Variants in NELFA observed in about 807,000 individuals in gnomAD.
NELFA encodes negative elongation factor complex member A, also known as negative elongation factor A.
In NELFA, 35 loss-of-function variants were observed where a neutral mutation model predicts 51.8. The observed-to-expected ratio is 0.68, with a 90% confidence interval of 0.52 to 0.90. The LOEUF (loss-of-function observed/expected upper bound fraction) is 0.90, where lower values mean the gene tolerates loss of function less well. Among genes scored for constraint, NELFA ranks in the 40% least tolerant of loss-of-function variants. The pLI is 0.00. For missense variants in NELFA, 658 were observed against 746.4 expected, an observed-to-expected ratio of 0.88 and a Z score of 1.38; for synonymous variants, 417 against 338.4, an observed-to-expected ratio of 1.23 and a Z score of -2.55.
rs373489474 is a variant in NELFA at position 1,991,735 on chromosome 4, C to T, written c.211-20G>A. 155 of 1,569,790 alleles carry T rather than the reference C, an allele frequency of 9.9e-5. No homozygotes were observed. Among genetic ancestry groups the T allele is most frequent in the Admixed American group, 2.6e-4 (14 of 54,016 alleles). Reference sequence around the variant, plus strand: ...CTTCATCTGCAAAATAGGATGCTGCCGGCGCCACCATGCCCCTGCCCACTT... The same window carrying T: ...CTTCATCTGCAAAATAGGATGCTGCTGGCGCCACCATGCCCCTGCCCACTT... On this transcript the variant is annotated intron_variant, in intron 1 of 10. Transcript: ENST00000382882.
chr4:1,985,723 C>G (rs961881281), intron 7 of NELFA, 53 bp downstream of exon 7: 8 of 1,483,432 alleles, frequency 5.4e-6, no homozygotes, highest in Non-Finnish European at 6.6e-6. Context: ...ACAATCGGAA[C>G]AAAAGGGGCA....
At position 1,984,797 on chromosome 4, in the gene NELFA, A is replaced by G. The variant is rs777475486; in HGVS notation, c.1036+11T>C. The G allele has an allele frequency of 6.5e-6, 10 of 1,550,072 alleles. No individual in the cohort carries two copies. The South Asian group carries it at 9.5e-5, about 15-fold the overall frequency. On this transcript the variant is annotated intron_variant, in intron 8 of 10. Coordinates refer to ENST00000382882, the MANE Select transcript of NELFA (RefSeq NM_005663.5). ...GCTTGGCTGGTTCCAGGCTGGGGCC[A>G]GCAGACTCACCTGGGGGCGTCTCGG...
chr4:1,995,311 G>T (rs1004086904), intron 1 of NELFA, among the ~76,000 whole-genome samples: 3 of 152,154 alleles, frequency 2.0e-5, no homozygotes, highest in South Asian at 2.1e-4. Context: ...TCTTGGTTCT[G>T]TTTCTCTGGA....
chr4:1,983,905 C>T lies in NELFA; in HGVS notation c.1245G>A (p.Val415=), dbSNP rs146344023. ...PTTQTPPVAM[V]APQTQAPAQQ... ...GAGCAGGGGCCTGGGTCTGCGGGGC[C>T]ACCATGGCAACCGGGGGTGTCTGAG... Residue 415 remains valine (V), a synonymous_variant, in exon 9 of 11, where the codon GTG becomes GTA. Transcript: ENST00000382882. The T allele has an allele frequency of 2.1e-5, 33 of 1,603,822 alleles. No homozygotes were observed. The highest frequency in any genetic ancestry group is 3.4e-5 in the Admixed American group (2 of 58,736).
chr4:1,987,780 G>T, intron 4 of NELFA, 138 bp downstream of exon 4: 2 of 725,364 alleles, frequency 2.8e-6, no homozygotes, highest in Non-Finnish European at 4.3e-6. Context: ...CAGTGCCTTC[G>T]CTTTCCCACG....
chr4:1,997,288 C>T (rs1338106182), intron 1 of NELFA, among the ~76,000 whole-genome samples: 2 of 152,136 alleles, frequency 1.3e-5, no homozygotes, highest in East Asian at 1.9e-4. Context: ...AGATACATTA[C>T]AAATCCTTTT....
In NELFA at chr4:1,989,269, T is replaced by C. The variant is rs987993868; in HGVS notation, c.544+439A>G. On this transcript the variant is annotated intron_variant, in intron 3 of 10. Transcript: ENST00000382882. The surrounding 1 kb of genome is among the most constrained non-coding windows in gnomAD (Gnocchi z 4.8). ...CCTAAATTCTGAAGTTTTTAAAGCA[T>C]GTTTTCAGAACATAAAGTTTAATAT... is the stretch of plus-strand genomic sequence containing the variant. Among the ~76,000 whole-genome samples the C allele has an allele frequency of 1.3e-5, 2 of 151,490 alleles. No homozygotes were observed. The highest frequency in any genetic ancestry group is 1.5e-5 in the Non-Finnish European group (1 of 67,890).
At chr4:1,986,093 C>G in intron 6 of NELFA, 21 bp downstream of exon 6, 2 of 1,548,986 alleles carry the variant, frequency 1.3e-6, no homozygotes, top group Non-Finnish European at 1.7e-6. Context: ...TTGCCGCCGA[C>G]ACGCAGGCCC....
At position 1,999,149 on chromosome 4, in the gene NELFA, G is replaced by A. The variant is rs561598663; in HGVS notation, c.211-7434C>T. Among the ~76,000 whole-genome samples the A allele has an allele frequency of 2.0e-5, 3 of 151,676 alleles. No individual in the cohort carries two copies. The South Asian group carries it at 6.2e-4, about 32-fold the overall frequency. ...CGCCCCGGAAGAACTCTGGAAAGAA[G>A]CACTAAATATGGAAAGAAAAACCAG... On this transcript the variant is annotated intron_variant, in intron 1 of 10. Coordinates refer to ENST00000382882, the MANE Select transcript of NELFA (RefSeq NM_005663.5).
Position 1,986,178 on chromosome 4 carries a change from C to A in NELFA, c.771G>T (p.Leu257=). 1 of 1,558,490 alleles carries A rather than the reference C, an allele frequency of 6.4e-7. No individual in the cohort carries two copies. The highest frequency in any genetic ancestry group is 2.4e-5 in the East Asian group (1 of 41,498). ...LLRKERGVKL[L]DISELDMVGA... ...CAACCATATCCAGCTCAGAGATGTC[C>A]AGCAGCTGCCAAGACAAGCACAGCC... The change falls in exon 6 of 11, where the codon CTG becomes CTT. Residue 257 remains leucine (L), a synonymous_variant. Coordinates refer to ENST00000382882, the MANE Select transcript of NELFA (RefSeq NM_005663.5).
chr4:1,983,082 C>T lies in NELFA; in HGVS notation c.*237G>A, dbSNP rs528818341. The T allele has an allele frequency of 2.9e-5, 12 of 420,772 alleles. No individual in the cohort carries two copies. The highest frequency in any genetic ancestry group is 4.1e-5 in the Admixed American group (1 of 24,206). The allele number at this position is 420,772 out of a possible 1,614,324, so 26.1% of individuals were successfully genotyped here. A position where few individuals can be genotyped will look rare whatever the true frequency, so the allele number is the denominator to read the frequency against. On this transcript the variant is annotated 3_prime_UTR_variant, in exon 11 of 11. Transcript: ENST00000382882. ...TTACTTACTACATTCAAAAATGTAA[C>T]GTTGAGTCCAAAAAGTGTCTTAAAT...
chr4:1,991,844 G>C (rs929192015), intron 1 of NELFA, 129 bp from the exon 2 acceptor site: 17 of 934,062 alleles, frequency 1.8e-5, no homozygotes, highest in Non-Finnish European at 2.0e-5. Context: ...ACTTCCTCCT[G>C]AGGGCTCCCC....
chr4:2,004,232 C>T (rs1279478410), intron 1 of NELFA: 5 of 151,894 alleles, frequency 3.3e-5, no homozygotes, highest in African/African-American at 1.2e-4. Flanking sequence ...GCACAAAAGA[C>T]CAGATGTATG....
chr4:1,999,327 C>T (rs1287469593), intron 1 of NELFA, among the ~76,000 whole-genome samples: 1 of 151,306 alleles, frequency 6.6e-6, no homozygotes, highest in Non-Finnish European at 1.5e-5. Flanking sequence ...GGCTGAATGC[C>T]CCAATTAAAA....
Position 1,983,178 on chromosome 4 carries a change from C to T in NELFA, c.*141G>A. 1 of 760,008 alleles carries T rather than the reference C, an allele frequency of 1.3e-6. No homozygotes were observed. The highest frequency in any genetic ancestry group is 2.1e-6 in the Non-Finnish European group (1 of 486,908). 47.1% of individuals were successfully genotyped at this position (760,008 alleles called of 1,614,324 possible). On this transcript the variant is annotated 3_prime_UTR_variant, in exon 11 of 11. Coordinates refer to ENST00000382882, the MANE Select transcript of NELFA (RefSeq NM_005663.5). ...ATACCCCAGAGAAATGCATCCAGAA[C>T]TTAAAACAGGCTGGGTCAGCAGCAG...
At chr4:1,984,684 G>T in intron 8 of NELFA, 124 bp downstream of exon 8, 1 of 679,226 alleles carries the variant, frequency 1.5e-6, no homozygotes, top group Non-Finnish European at 2.5e-6. Context: ...GCAGATTCTG[G>T]CTGAGGCAGA....
At chr4:2,008,003 A>T (rs1728755829) in intron 1 of NELFA, 1 of 456,936 alleles carries the variant, frequency 2.2e-6, no homozygotes, top group Admixed American at 2.3e-5. Context: ...AACGGCGTGT[A>T]GAAAAGAGTA....
chr4:2,007,311 A>G, intron 1 of NELFA: 1 of 187,152 alleles, frequency 5.3e-6, no homozygotes, highest in Non-Finnish European at 1.2e-5. Flanking sequence ...GAGAAATCCA[A>G]GATTCCAAAC....
At chr4:2,003,537 AC>A (rs530334517) in intron 1 of NELFA, among the ~76,000 whole-genome samples, 36 of 152,378 alleles carry the variant, frequency 2.4e-4, no homozygotes, top group Non-Finnish European at 3.8e-4. Context: ...ACCATGGAAT[AC>A]TACGCAGCCA....
Sources: gnomAD v4.1 joint callset for allele counts (sites outside exome capture counted in the v4.1 genomes callset) on GRCh38, gnomAD v4.1.1 for gene constraint, Gnocchi (gnomAD v3.1) non-coding constraint, MANE v1.5 for transcripts, NCBI Gene and HGNC (gene_info 2026-07-23, HGNC 2026-07-21) for gene names.